Variants in MFAP3L observed in about 807,000 individuals in gnomAD.
MFAP3L encodes the protein microfibril associated protein 3 like.
Under a neutral mutation model 20.0 loss-of-function variants are expected in MFAP3L, and 5 were observed. The ratio of observed to expected loss-of-function variants is 0.25; its 90% confidence interval spans 0.13 to 0.53. The LOEUF is 0.53. Ranked by LOEUF, MFAP3L falls within the 20% of genes least tolerant of loss-of-function variation. The pLI is 0.96. For synonymous variants in MFAP3L, 219 were observed against 213.0 expected, an observed-to-expected ratio of 1.03 and a Z score of -0.25; for missense variants, 409 against 527.5, an observed-to-expected ratio of 0.78 and a Z score of 2.20.
chr4:169,997,244 A>G (rs1474861290), intron 2 of MFAP3L, among the ~76,000 whole-genome samples: 1 of 152,218 alleles, frequency 6.6e-6, no homozygotes, highest in African/African-American at 2.4e-5. Flanking sequence ...AGGATATAAA[A>G]TATTTTTATA....
chr4:170,016,400 T>C (rs937861835), intron 1 of MFAP3L, among the ~76,000 whole-genome samples: 2 of 152,212 alleles, frequency 1.3e-5, no homozygotes, highest in Admixed American at 6.5e-5. Context: ...TCCCACCATC[T>C]GAAATGAGTT....
At position 169,988,435 on chromosome 4, in the gene MFAP3L, A is replaced by G. The variant is rs1737426544; in HGVS notation, c.*2943T>C. 2 of 152,354 alleles carry G rather than the reference A, an allele frequency of 1.3e-5. No homozygotes were observed. Among genetic ancestry groups the G allele is most frequent in the Non-Finnish European group, 2.9e-5 (2 of 68,034 alleles). The allele number at this position is 152,354 out of a possible 1,614,324, so 9.4% of individuals were successfully genotyped here. On this transcript the variant is annotated 3_prime_UTR_variant, in exon 3 of 3. Coordinates refer to ENST00000361618, the MANE Select transcript of MFAP3L (RefSeq NM_021647.8). The stretch of plus-strand genomic sequence containing the variant: ...ATATGACCAGGATGACTCAGAAGCC[A>G]GAAATTGATTTTACAAACGACTACA...
rs938153661 is a variant in MFAP3L at position 170,002,049 on chromosome 4, C to T, written c.298+3531G>A. ...GCAGTGTGCTCCTTGAGTGACTCAC[C>T]GATGATTTTTGAACGCCTTTTTGTG... is the stretch of plus-strand genomic sequence containing the variant. On this transcript the variant is annotated intron_variant, in intron 2 of 2. Transcript: ENST00000361618. 10 of 985,432 alleles carry T rather than the reference C, an allele frequency of 1.0e-5. 1 individual carries two copies. Among genetic ancestry groups the T allele is most frequent in the East Asian group, 1.1e-4 (1 of 8,822 alleles). 61.0% of individuals were successfully genotyped at this position (985,432 alleles called of 1,614,324 possible). A position where few individuals can be genotyped will look rare whatever the true frequency, so the allele number is the denominator to read the frequency against.
intron 1 of MFAP3L, among the ~76,000 whole-genome samples, chr4:170,013,087 TG>T (rs1247918984): frequency 6.6e-6 from 1 of 152,228 alleles, no homozygotes; most frequent in Non-Finnish European, 1.5e-5. Flanking sequence ...TTATTTTTAA[TG>T]GGGCATAATA....
chr4:170,020,537 T>C (rs189160210), intron 1 of MFAP3L, among the ~76,000 whole-genome samples: 1 of 151,974 alleles, frequency 6.6e-6, no homozygotes, highest in African/African-American at 2.4e-5. Flanking sequence ...AGTGTGAAAC[T>C]CAAGTCCTAC....
At chr4:169,999,050 T>C (rs1274276135) in intron 2 of MFAP3L, among the ~76,000 whole-genome samples, 2 of 152,210 alleles carry the variant, frequency 1.3e-5, no homozygotes, top group East Asian at 1.9e-4. Context: ...CCAAACATAA[T>C]TGAAAGCAAA....
At chr4:170,020,329 C>G (rs920798983) in intron 1 of MFAP3L, among the ~76,000 whole-genome samples, 11 of 152,150 alleles carry the variant, frequency 7.2e-5, no homozygotes, top group Non-Finnish European at 1.5e-4. Flanking sequence ...TCACTGAGTT[C>G]TAATGATTCT....
At chr4:169,997,764 G>A in intron 2 of MFAP3L, 1 of 983,982 alleles carries the variant, frequency 1.0e-6, no homozygotes, top group South Asian at 4.7e-5. Flanking sequence ...CAGCCTGGAT[G>A]GCCGACTCCT....
chr4:170,020,924 T>C (rs1317822610), intron 1 of MFAP3L, among the ~76,000 whole-genome samples: 3 of 152,084 alleles, frequency 2.0e-5, no homozygotes, highest in Non-Finnish European at 2.9e-5. Context: ...TAGATTAAAA[T>C]CTCAGGTTGT....
At chr4:170,018,199 A>G (rs995989290) in intron 1 of MFAP3L, among the ~76,000 whole-genome samples, 1 of 152,252 alleles carries the variant, frequency 6.6e-6, no homozygotes, top group Admixed American at 6.5e-5. Flanking sequence ...GACCTGAAGG[A>G]TGAATAAAAG....
rs141578578 is a variant in MFAP3L at position 169,992,236 on chromosome 4, C to A, written c.372G>T (p.Thr124=). 2.7e-5 allele frequency: 43 copies of A among 1,613,992 alleles called. 3 individuals carry two copies. In the South Asian group the frequency reaches 4.1e-4, roughly 15 times the overall value. Residue 124 remains threonine, a synonymous_variant, in exon 3 of 3, where the codon ACG becomes ACT. Transcript: ENST00000361618. This position sits in a 1 kb window ranked among gnomAD's most constrained non-coding sequence, Gnocchi z 4.3. ...KVSFSDRGKY[T]CVASNIYGTV... is the part of the protein sequence containing the mutation. ...TGCCGTAGATGTTAGAAGCCACACA[C>A]GTGTATTTACCTCGGTCTGAGAAGG...
At chr4:169,999,894 G>A (rs1158142068) in intron 2 of MFAP3L, among the ~76,000 whole-genome samples, 2 of 152,148 alleles carry the variant, frequency 1.3e-5, no homozygotes, top group African/African-American at 4.8e-5. Flanking sequence ...TTTGGGGCTC[G>A]ATAATTATTT....
intron 2 of MFAP3L, among the ~76,000 whole-genome samples, chr4:169,997,200 T>G (rs1738242301): frequency 6.6e-6 from 1 of 152,168 alleles, no homozygotes; most frequent in Non-Finnish European, 1.5e-5. Flanking sequence ...ACTCCGAAGA[T>G]CTAAACATAA....
At chr4:170,000,661 A>G (rs1297132499) in intron 2 of MFAP3L, among the ~76,000 whole-genome samples, 3 of 152,212 alleles carry the variant, frequency 2.0e-5, no homozygotes, top group Admixed American at 2.0e-4. Flanking sequence ...TATATTCATA[A>G]TTACATATTT....
intron 2 of MFAP3L, among the ~76,000 whole-genome samples, chr4:170,000,232 C>T (rs1362553502): frequency 2.0e-5 from 3 of 152,170 alleles, no homozygotes; most frequent in Non-Finnish European, 4.4e-5. Flanking sequence ...AGAAGAGAAT[C>T]CCAAACTCAC....
intron 1 of MFAP3L, among the ~76,000 whole-genome samples, chr4:170,019,848 G>T (rs1180911167): frequency 6.6e-6 from 1 of 152,170 alleles, no homozygotes; most frequent in Admixed American, 6.5e-5. Context: ...CTGTTGACTA[G>T]AGTCAATTTC....
At chr4:170,022,860 A>G (rs571302191) in intron 1 of MFAP3L, among the ~76,000 whole-genome samples, 6 of 152,312 alleles carry the variant, frequency 3.9e-5, no homozygotes, top group South Asian at 4.1e-4. Flanking sequence ...AAGGCCCTGC[A>G]GAGTCTCTGA....
intron 1 of MFAP3L, among the ~76,000 whole-genome samples, chr4:170,013,965 A>G (rs186069495): frequency 7.9e-5 from 12 of 152,338 alleles, no homozygotes; most frequent in Admixed American, 7.8e-4. Flanking sequence ...AATGGGACAG[A>G]CACACTGATG....
At chr4:170,020,684 C>T (rs1222790113) in intron 1 of MFAP3L, among the ~76,000 whole-genome samples, 4 of 148,990 alleles carry the variant, frequency 2.7e-5, no homozygotes, top group Admixed American at 2.0e-4. Flanking sequence ...CCCATCTCCC[C>T]AACCCCAGCA....
Sources: allele counts gnomAD v4.1 joint callset (sites outside exome capture counted in the v4.1 genomes callset), GRCh38; gene constraint gnomAD v4.1.1; non-coding constraint Gnocchi (gnomAD v3.1); transcripts MANE v1.5; gene names NCBI Gene and HGNC (gene_info 2026-07-23, HGNC 2026-07-21).